ARHGAP26: variants seen among roughly 807,000 people sequenced by gnomAD.
ARHGAP26 encodes Rho GTPase activating protein 26, also known as rho GTPase-activating protein 26.
Under a neutral mutation model 104.8 loss-of-function variants are expected in ARHGAP26, and 38 were observed. The observed-to-expected ratio is 0.36, with a 90% confidence interval of 0.28 to 0.48. The LOEUF (loss-of-function observed/expected upper bound fraction) is 0.48, where lower values mean the gene tolerates loss of function less well. Ranked by LOEUF, ARHGAP26 falls within the 20% of genes least tolerant of loss-of-function variation. ARHGAP26 has a pLI of 0.99. For missense variants in ARHGAP26, 704 were observed against 947.9 expected (o/e 0.74, Z 3.38); for synonymous variants, 341 against 340.0 (o/e 1.00, Z -0.03).
chr5:143,199,505 T>A (rs942934901), intron 20 of ARHGAP26, among the ~76,000 whole-genome samples: 1 of 152,210 alleles, frequency 6.6e-6, no homozygotes, highest in African/African-American at 2.4e-5. Flanking sequence ...AAGAATTCAA[T>A]GAAATGGGAT....
intron 14 of ARHGAP26, among the ~76,000 whole-genome samples, chr5:143,051,628 C>T (rs3776346): frequency 0.63 from 95,898 of 152,002 alleles, 31,399 homozygotes; most frequent in Non-Finnish European, 0.73. Flanking sequence ...TTCAACTTAG[C>T]TTGGATTTTA....
intron 17 of ARHGAP26, among the ~76,000 whole-genome samples, chr5:143,105,519 T>C (rs1793884899): frequency 6.6e-6 from 1 of 152,156 alleles, no homozygotes; most frequent in Non-Finnish European, 1.5e-5. Flanking sequence ...TTGCGTAAGT[T>C]TTCTTCTGTG....
chr5:142,922,555 TC>T (rs1208824797), intron 10 of ARHGAP26, among the ~76,000 whole-genome samples: 2 of 152,194 alleles, frequency 1.3e-5, no homozygotes, highest in Non-Finnish European at 2.9e-5. Flanking sequence ...TCATCACAAA[TC>T]ATTCATACCC....
At position 142,988,794 on chromosome 5, in the gene ARHGAP26, A is replaced by C. The variant is rs1219452649; in HGVS notation, c.1108-25286A>C. On this transcript the variant is annotated intron_variant, in intron 11 of 22. Transcript: ENST00000645722. ...AGGTTGTTCAGTTTCCCTGTAGTTG[A>C]GCGGTTTTGAGTGAGTTTCTTAATC... 4.6e-5 allele frequency among the ~76,000 whole-genome samples: 7 copies of C among 152,176 alleles called. No homozygotes were observed. In the East Asian group the frequency reaches 1.2e-3, roughly 25 times the overall value.
chr5:142,931,905 G>C, intron 10 of ARHGAP26, 142 bp from the exon 11 acceptor site: 1 of 739,622 alleles, frequency 1.4e-6, no homozygotes. Flanking sequence ...AGGTGGCTTA[G>C]TAAAGCCGAG....
intron 12 of ARHGAP26, among the ~76,000 whole-genome samples, chr5:143,029,448 A>G (rs1231577784): frequency 4.1e-5 from 5 of 121,064 alleles, no homozygotes; most frequent in Non-Finnish European, 7.9e-5. Flanking sequence ...TCTGTTGCTC[A>G]GGCTGCAGTG....
chr5:143,003,311 G>GT (rs1178554130), intron 11 of ARHGAP26, among the ~76,000 whole-genome samples: 1 of 152,168 alleles, frequency 6.6e-6, no homozygotes, highest in Non-Finnish European at 1.5e-5. Flanking sequence ...GAGAACTGCG[G>GT]TAAGTGCCAG....
chr5:143,034,248 G>GTATAC (rs1295244709), intron 12 of ARHGAP26, among the ~76,000 whole-genome samples: 6 of 152,080 alleles, frequency 3.9e-5, no homozygotes, highest in Non-Finnish European at 5.9e-5. Flanking sequence ...ACTCCTAGGT[G>GTATAC]TATACTCAAA....
intron 1 of ARHGAP26, among the ~76,000 whole-genome samples, chr5:142,806,531 A>G (rs1400427549): frequency 6.6e-6 from 1 of 151,748 alleles, no homozygotes; most frequent in African/African-American, 2.4e-5. Context: ...GGTTGTTGAA[A>G]TTCCCAAATC....
rs757700614 is a variant in ARHGAP26, at chr5:143,147,324, A to G, written c.1931A>G (p.Asn644Ser). 12 of 1,613,962 alleles carry G rather than the reference A, an allele frequency of 7.4e-6. No homozygotes were observed. The highest frequency in any genetic ancestry group is 5.5e-5 in the South Asian group (5 of 91,080). ...AATTCCAGCAGCAGCTTACAGCCCAACATGAACTCCAGTGACCCAGACCTG... is the reference window on the plus strand; with the variant it reads ...AATTCCAGCAGCAGCTTACAGCCCAGCATGAACTCCAGTGACCCAGACCTG... ...ILNSSSSLQP[N>S]MNSSDPDLAV... Residue 644 changes from asparagine to serine, a missense_variant, in exon 20 of 23, where the codon AAC becomes AGC. By Grantham distance (46) the Asn-to-Ser change is conservative. Transcript: ENST00000645722.
chr5:142,940,308 TTTTA>T (rs1290075031), intron 11 of ARHGAP26, among the ~76,000 whole-genome samples: 1 of 152,156 alleles, frequency 6.6e-6, no homozygotes, highest in African/African-American at 2.4e-5. Flanking sequence ...TGAGCTTTCT[TTTTA>T]TTTATTTAAT....
intron 20 of ARHGAP26, among the ~76,000 whole-genome samples, chr5:143,150,780 G>A (rs773002088): frequency 6.6e-6 from 1 of 152,178 alleles, no homozygotes; most frequent in Non-Finnish European, 1.5e-5. Flanking sequence ...ATTCCAAATG[G>A]ACCATAGGTC....
At chr5:143,047,000 G>T (rs1258547240) in intron 14 of ARHGAP26, among the ~76,000 whole-genome samples, 1 of 152,174 alleles carries the variant, frequency 6.6e-6, no homozygotes, top group Admixed American at 6.5e-5. Context: ...TCACTGTGCA[G>T]ATATTACAGG....
chr5:143,017,057 T>G (rs1208952992), intron 12 of ARHGAP26, among the ~76,000 whole-genome samples: 1 of 152,242 alleles, frequency 6.6e-6, no homozygotes, highest in Non-Finnish European at 1.5e-5. Context: ...GAAGCCAATC[T>G]GATATGAATT....
At chr5:143,081,662 A>AT (rs1789829049) in intron 17 of ARHGAP26, among the ~76,000 whole-genome samples, 1 of 152,204 alleles carries the variant, frequency 6.6e-6, no homozygotes, top group South Asian at 2.1e-4. Context: ...TGTTGTCAAG[A>AT]TTGAGTTGAT....
At chr5:142,879,317 T>C in intron 3 of ARHGAP26, 57 bp from the exon 4 acceptor site, 3 of 1,531,996 alleles carry the variant, frequency 2.0e-6, no homozygotes, top group Non-Finnish European at 2.7e-6. Flanking sequence ...GCTGCTGTAA[T>C]TCTTTACTGA....
In ARHGAP26 at chr5:142,830,612, C is replaced by CA. The variant is rs1215721607; in HGVS notation, c.155-42782dup. 7.2e-5 allele frequency among the ~76,000 whole-genome samples: 11 copies of CA among 152,186 alleles called. No homozygotes were observed. The East Asian group carries it at 1.9e-3, about 27-fold the overall frequency. On this transcript the variant is annotated intron_variant, in intron 1 of 22. Transcript: ENST00000645722. ...CAGGTGGATAAAAAATACCGGTCTT[C>CA]AAAAAATGTTACCGATAGTATCAAT...
At chr5:143,159,642 T>C (rs1800945658) in intron 20 of ARHGAP26, among the ~76,000 whole-genome samples, 1 of 152,248 alleles carries the variant, frequency 6.6e-6, no homozygotes, top group Non-Finnish European at 1.5e-5. Context: ...ATGTAGGGTC[T>C]GAGTGGTGGT....
intron 17 of ARHGAP26, among the ~76,000 whole-genome samples, chr5:143,094,210 G>A (rs752239865): frequency 3.3e-5 from 5 of 152,204 alleles, no homozygotes; most frequent in Non-Finnish European, 7.3e-5. Context: ...GCTTTGCTGC[G>A]TGGTGTCTTT....
Sources: gnomAD v4.1 joint callset for allele counts (sites outside exome capture counted in the v4.1 genomes callset) on GRCh38, gnomAD v4.1.1 for gene constraint, MANE v1.5 for transcripts, NCBI Gene and HGNC (gene_info 2026-07-23, HGNC 2026-07-21) for gene names.